The following PPP1R12B variants were observed in gnomAD, a reference collection of about 807,000 sequenced individuals.
The protein encoded by PPP1R12B is myosin phosphatase target subunit 2.
PPP1R12B carries 76 observed loss-of-function variants against 126.1 expected under a neutral mutation model. That is an observed-to-expected ratio of 0.60 (90% confidence interval 0.50 to 0.73). PPP1R12B has a LOEUF of 0.73. PPP1R12B is among the 30% of genes least tolerant of loss of function. PPP1R12B has a pLI of 0.00. For synonymous variants in PPP1R12B, 356 were observed against 434.7 expected (o/e 0.82, Z 2.25); for missense variants, 1,052 against 1,205.1 (o/e 0.87, Z 1.88).
intron 13 of PPP1R12B, among the ~76,000 whole-genome samples, chr1:202,484,523 A>C (rs919640228): frequency 6.6e-6 from 1 of 152,222 alleles, no homozygotes; most frequent in Non-Finnish European, 1.5e-5. Context: ...CTTACATAGC[A>C]CCATTAAATC....
chr1:202,348,856 C>T lies in PPP1R12B; in HGVS notation c.5C>T (p.Ala2Val). Residue 2 changes from alanine (A) to valine (V), a missense_variant, in exon 1 of 24, where the codon GCG (alanine) becomes GTG (valine). Physicochemically the swap from Ala to Val is moderately conservative, Grantham distance 64. Transcript: ENST00000608999. The stretch of plus-strand genomic sequence containing the variant: ...GCAGCTGCCGAGGCCGGAGCAATGG[C>T]GGAACTGGAGCACCTAGGAGGGAAG... Reference protein sequence around the residue: MAELEHLGGKRA... With the variant: MVELEHLGGKRA... 1.2e-6 allele frequency: 2 copies of T among 1,607,366 alleles called. No homozygotes were observed. The highest frequency in any genetic ancestry group is 1.7e-6 in the Non-Finnish European group (2 of 1,178,332).
chr1:202,379,317 A>C (rs1661824140), intron 1 of PPP1R12B, among the ~76,000 whole-genome samples: 1 of 152,242 alleles, frequency 6.6e-6, no homozygotes, highest in African/African-American at 2.4e-5. Context: ...ACCTGGGGGC[A>C]CATGTTAACA....
chr1:202,463,531 C>G (rs1674584524), intron 13 of PPP1R12B, among the ~76,000 whole-genome samples: 1 of 152,082 alleles, frequency 6.6e-6, no homozygotes, highest in Non-Finnish European at 1.5e-5. Context: ...AGGGCAATTA[C>G]AGAAAGAAGC....
chr1:202,580,488 G>A lies in PPP1R12B; in HGVS notation c.2877G>A (p.Leu959=). The part of the protein sequence containing the change: ...MEEEMKVLTE[L]KSDNQRLKDE... ...TCACCCTACAGGTGTTAACAGAACT[G>A]AAATCCGACAACCAGAGGCTGAAAG... is the stretch of plus-strand genomic sequence containing the variant. Residue 959 remains leucine, a synonymous_variant, in exon 24 of 24, where the codon CTG becomes CTA. Transcript: ENST00000608999. The A allele has an allele frequency of 6.2e-7, 1 of 1,613,824 alleles. No individual in the cohort carries two copies. Among genetic ancestry groups the A allele is most frequent in the Non-Finnish European group, 8.5e-7 (1 of 1,179,736 alleles).
chr1:202,580,506 G>A lies in PPP1R12B; in HGVS notation c.2895G>A (p.Arg965=). The change falls in exon 24 of 24, where the codon AGG becomes AGA. Residue 965 remains arginine (R), a synonymous_variant. Coordinates refer to ENST00000608999, the MANE Select transcript of PPP1R12B (RefSeq NM_002481.4). ...CAGAACTGAAATCCGACAACCAGAGGCTGAAAGATGAAAATGGTGCCCTCA... is the reference window on the plus strand; with the variant it reads ...CAGAACTGAAATCCGACAACCAGAGACTGAAAGATGAAAATGGTGCCCTCA... ...VLTELKSDNQ[R]LKDENGALIR... is the part of the protein sequence containing the mutation. 6.2e-7 allele frequency: 1 copy of A among 1,614,040 alleles called. No individual in the cohort carries two copies. The highest frequency in any genetic ancestry group is 8.5e-7 in the Non-Finnish European group (1 of 1,179,936).
At chr1:202,465,183 C>T (rs1347122284) in intron 13 of PPP1R12B, among the ~76,000 whole-genome samples, 2 of 152,078 alleles carry the variant, frequency 1.3e-5, no homozygotes, top group Non-Finnish European at 2.9e-5. Context: ...AGGAATCTGT[C>T]CACAGTCACA....
At chr1:202,434,827 C>T (rs1670598420) in intron 9 of PPP1R12B, 59 bp downstream of exon 9, 4 of 1,592,156 alleles carry the variant, frequency 2.5e-6, no homozygotes, top group East Asian at 4.5e-5. Flanking sequence ...TAGCACACAT[C>T]TAGAAAGGCC....
At chr1:202,521,029 C>T (rs903256191) in intron 18 of PPP1R12B, among the ~76,000 whole-genome samples, 2 of 152,036 alleles carry the variant, frequency 1.3e-5, no homozygotes, top group Non-Finnish European at 2.9e-5. Context: ...CTAACTTATC[C>T]CAGCAGTGTC....
chr1:202,383,244 C>T (rs923623647), intron 1 of PPP1R12B, among the ~76,000 whole-genome samples: 3 of 152,130 alleles, frequency 2.0e-5, no homozygotes, highest in African/African-American at 7.2e-5. Context: ...GCCCAGCTGA[C>T]CAACTTCATA....
In PPP1R12B at chr1:202,481,301, T is replaced by C. The variant is rs535308932; in HGVS notation, c.1851-7232T>C. ...AACCACCACTTGTGTTGGTGTAGCA[T>C]CAAAGAAAAATATCTCCCGATTATC... On this transcript the variant is annotated intron_variant, in intron 13 of 23. Transcript: ENST00000608999. Among the ~76,000 whole-genome samples the C allele has an allele frequency of 3.9e-5, 6 of 152,312 alleles. No individual in the cohort carries two copies. In the South Asian group the frequency reaches 6.2e-4, roughly 16 times the overall value.
chr1:202,441,673 C>T (rs1300458531), intron 11 of PPP1R12B, among the ~76,000 whole-genome samples: 1 of 152,142 alleles, frequency 6.6e-6, no homozygotes, highest in Non-Finnish European at 1.5e-5. Context: ...AATCCTAGTA[C>T]AGCACTTTCC....
chr1:202,357,993 C>G (rs538814217), intron 1 of PPP1R12B, among the ~76,000 whole-genome samples: 2 of 152,168 alleles, frequency 1.3e-5, no homozygotes, highest in African/African-American at 4.8e-5. Context: ...CAGGGGAGTA[C>G]TATATTTATC....
At chr1:202,542,948 A>G (rs697455) in intron 18 of PPP1R12B, among the ~76,000 whole-genome samples, 4,661 of 152,228 alleles carry the variant, frequency 0.031, 189 homozygotes, top group African/African-American at 0.096. Flanking sequence ...ACCTGATCCA[A>G]CATTCTTCAA....
intron 14 of PPP1R12B, among the ~76,000 whole-genome samples, chr1:202,490,027 G>A (rs1458388513): frequency 1.3e-5 from 2 of 152,166 alleles, no homozygotes; most frequent in Non-Finnish European, 2.9e-5. Flanking sequence ...AAGCTGTATT[G>A]TAGTCCAAGT....
At chr1:202,509,024 A>G (rs1403236966) in intron 18 of PPP1R12B, among the ~76,000 whole-genome samples, 1 of 152,270 alleles carries the variant, frequency 6.6e-6, no homozygotes, top group Non-Finnish European at 1.5e-5. Flanking sequence ...CTATGTTCCA[A>G]TAAAACTTTA....
chr1:202,376,532 G>A (rs192779129), intron 1 of PPP1R12B, among the ~76,000 whole-genome samples: 290 of 152,320 alleles, frequency 1.9e-3, no homozygotes, highest in Non-Finnish European at 3.4e-3. Context: ...GGATAGAAAC[G>A]TGAGTGGTAG....
chr1:202,514,933 A>G (rs897173027), intron 18 of PPP1R12B, among the ~76,000 whole-genome samples: 1 of 152,260 alleles, frequency 6.6e-6, no homozygotes, highest in African/African-American at 2.4e-5. Flanking sequence ...AAAATGTGGT[A>G]CATATACACC....
intron 18 of PPP1R12B, among the ~76,000 whole-genome samples, chr1:202,497,213 A>G (rs992806144): frequency 1.3e-5 from 2 of 152,250 alleles, no homozygotes; most frequent in Non-Finnish European, 2.9e-5. Flanking sequence ...AGAATGTAAA[A>G]CATCAGACAG....
chr1:202,429,043 A>C, intron 6 of PPP1R12B, 114 bp downstream of exon 6: 5 of 788,646 alleles, frequency 6.3e-6, no homozygotes, highest in Non-Finnish European at 7.8e-6. Flanking sequence ...ACATATCTGC[A>C]TTCCAGAGAT....
Sources: gnomAD v4.1 joint callset for allele counts (sites outside exome capture counted in the v4.1 genomes callset) on GRCh38, gnomAD v4.1.1 for gene constraint, MANE v1.5 for transcripts, NCBI Gene and HGNC (gene_info 2026-07-23, HGNC 2026-07-21) for gene names.